Variants in DRD2 observed in about 807,000 individuals in gnomAD.
DRD2 encodes dopamine receptor D2.
Under a neutral mutation model 38.0 loss-of-function variants are expected in DRD2, and 8 were observed. That is an observed-to-expected ratio of 0.21 (90% CI 0.12 to 0.38). The LOEUF (loss-of-function observed/expected upper bound fraction) is 0.38, where lower values mean the gene tolerates loss of function less well. DRD2 is among the 10% of genes least tolerant of loss of function. The pLI is 1.00. For synonymous variants in DRD2, 230 were observed against 238.6 expected (o/e 0.96, Z 0.33); for missense variants, 403 against 607.7 (o/e 0.66, Z 3.54).
At chr11:113,414,036 C>T (rs908713226) in intron 6 of DRD2, 6 of 366,770 alleles carry the variant, frequency 1.6e-5, no homozygotes, top group East Asian at 6.7e-5. Context: ...AAGATCGGTT[C>T]GATCAAAGAG....
At chr11:113,457,466 C>T (rs1951278125) in intron 1 of DRD2, among the ~76,000 whole-genome samples, 1 of 152,172 alleles carries the variant, frequency 6.6e-6, no homozygotes, top group South Asian at 2.1e-4. Flanking sequence ...TATAGTACTT[C>T]TGCTTCCACC....
At chr11:113,442,192 G>A (rs1472772202) in intron 1 of DRD2, among the ~76,000 whole-genome samples, 4 of 152,108 alleles carry the variant, frequency 2.6e-5, no homozygotes. Flanking sequence ...CCAAGGCAGA[G>A]ATCCCTCCCT....
At chr11:113,413,030 G>A (rs1272077318) in intron 6 of DRD2, 147 bp from the exon 7 acceptor site, 1 of 928,550 alleles carries the variant, frequency 1.1e-6, no homozygotes, top group Non-Finnish European at 1.6e-6. Flanking sequence ...ATGTCACTGA[G>A]GCATGGGACC....
intron 1 of DRD2, among the ~76,000 whole-genome samples, chr11:113,466,007 G>C (rs1951365529): frequency 6.6e-6 from 1 of 152,176 alleles, no homozygotes; most frequent in African/African-American, 2.4e-5. Context: ...AATCAGGTAA[G>C]TATATAGTCA....
At chr11:113,458,461 T>G (rs1313253172) in intron 1 of DRD2, among the ~76,000 whole-genome samples, 1 of 152,226 alleles carries the variant, frequency 6.6e-6, no homozygotes, top group African/African-American at 2.4e-5. Flanking sequence ...ATGGTTTCTG[T>G]TGGAGAGGCC....
chr11:113,418,008 C>T lies in DRD2; in HGVS notation c.395+19G>A, dbSNP rs200429548. ...TGGTGAGTGGCCAGAGCAACCTCTT[C>T]CACCCTGGCTGGGCTCACCTGTCGA... On this transcript the variant is annotated intron_variant, in intron 3 of 7. Transcript: ENST00000362072. 3 of 1,609,080 alleles carry T rather than the reference C, an allele frequency of 1.9e-6. No homozygotes were observed. Among genetic ancestry groups the T allele is most frequent in the Admixed American group, 1.7e-5 (1 of 59,974 alleles).
At chr11:113,419,446 G>GCACACACACA (rs3060174) in intron 2 of DRD2, among the ~76,000 whole-genome samples, 20 of 133,394 alleles carry the variant, frequency 1.5e-4, no homozygotes, top group Admixed American at 1.1e-3. Flanking sequence ...ATGCACACAG[G>GCACACACACA]CACACACACA....
chr11:113,461,314 T>C (rs904441279), intron 1 of DRD2, among the ~76,000 whole-genome samples: 9 of 152,180 alleles, frequency 5.9e-5, no homozygotes, highest in African/African-American at 1.9e-4. Context: ...TAGTTTTGTC[T>C]AAGAGGTCCT....
At chr11:113,455,904 A>C (rs1207501118) in intron 1 of DRD2, among the ~76,000 whole-genome samples, 1 of 152,240 alleles carries the variant, frequency 6.6e-6, no homozygotes, top group African/African-American at 2.4e-5. Flanking sequence ...TAAAAATAGC[A>C]TTACCATATA....
chr11:113,417,880 A>G, intron 3 of DRD2, 147 bp downstream of exon 3: 1 of 711,380 alleles, frequency 1.4e-6, no homozygotes, highest in Non-Finnish European at 2.5e-6. Flanking sequence ...ACACATGCAC[A>G]CCCATACACA....
chr11:113,416,307 C>T (rs960394845), intron 4 of DRD2, among the ~76,000 whole-genome samples: 11 of 152,182 alleles, frequency 7.2e-5, no homozygotes, highest in South Asian at 4.1e-4. Flanking sequence ...TCCACGCTGG[C>T]GGGGGCTTTG....
chr11:113,420,786 G>A (rs1950877838), intron 2 of DRD2, among the ~76,000 whole-genome samples: 1 of 152,160 alleles, frequency 6.6e-6, no homozygotes, highest in African/African-American at 2.4e-5. Context: ...ACAAAACTAG[G>A]GAGGGTCAGA....
chr11:113,458,697 T>G (rs1403518571), intron 1 of DRD2, among the ~76,000 whole-genome samples: 1 of 152,238 alleles, frequency 6.6e-6, no homozygotes, highest in Non-Finnish European at 1.5e-5. Flanking sequence ...AAATTAGGAT[T>G]TATTGAATGC....
At chr11:113,434,558 T>C (rs1355184224) in intron 1 of DRD2, among the ~76,000 whole-genome samples, 1 of 151,846 alleles carries the variant, frequency 6.6e-6, no homozygotes, top group African/African-American at 2.4e-5. Context: ...GGCACAAAGG[T>C]GTTATAAGGC....
intron 2 of DRD2, among the ~76,000 whole-genome samples, chr11:113,422,161 G>A (rs1038191494): frequency 6.6e-6 from 1 of 152,104 alleles, no homozygotes; most frequent in African/African-American, 2.4e-5. Context: ...GGCGAACATA[G>A]GGAGTACTCT....
At chr11:113,474,874 G>T (rs1951465251) in intron 1 of DRD2, among the ~76,000 whole-genome samples, 1 of 152,124 alleles carries the variant, frequency 6.6e-6, no homozygotes, top group African/African-American at 2.4e-5. Context: ...AGGGAGAGGG[G>T]ATAGCAGCCG....
intron 1 of DRD2, among the ~76,000 whole-genome samples, chr11:113,465,542 A>G (rs1248275266): frequency 2.0e-5 from 3 of 152,276 alleles, no homozygotes; most frequent in Non-Finnish European, 4.4e-5. Context: ...AGTCTCCTAC[A>G]TAAGACTTCA....
Position 113,471,078 on chromosome 11 carries a change from A to C in DRD2, c.-32+3998T>G, listed in dbSNP as rs149772623. Among the ~76,000 whole-genome samples the C allele has an allele frequency of 4.8e-3, 730 of 152,362 alleles. 1 individual carries two copies. The highest frequency in any genetic ancestry group is 7.7e-3 in the Non-Finnish European group (522 of 68,022). ...ATTTCTCTCCTTTCTCTGGACCCAA[A>C]TCAAAGAAAACCAAGTGGCTGAGTC... On this transcript the variant is annotated intron_variant, in intron 1 of 7. Coordinates refer to ENST00000362072, the MANE Select transcript of DRD2 (RefSeq NM_000795.4).
At chr11:113,471,456 A>G (rs1364083366) in intron 1 of DRD2, among the ~76,000 whole-genome samples, 1 of 152,192 alleles carries the variant, frequency 6.6e-6, no homozygotes, top group Non-Finnish European at 1.5e-5. Context: ...CAAGGCCACA[A>G]AATGCCTTAC....
Sources: allele counts gnomAD v4.1 joint callset (sites outside exome capture counted in the v4.1 genomes callset), GRCh38; gene constraint gnomAD v4.1.1; transcripts MANE v1.5; gene names NCBI Gene and HGNC (gene_info 2026-07-23, HGNC 2026-07-21).